The following RBBP5 variants were observed in gnomAD, a reference collection of about 807,000 sequenced individuals.
RBBP5 encodes RB binding protein 5, histone lysine methyltransferase complex subunit, also known as retinoblastoma-binding protein 5.
A neutral mutation model predicts 72.2 loss-of-function variants in RBBP5; 5 were observed. The observed-to-expected ratio is 0.07, with a 90% confidence interval of 0.04 to 0.15. RBBP5 has a LOEUF of 0.15. Ranked by LOEUF, RBBP5 falls within the 10% of genes least tolerant of loss-of-function variation. The probability of loss-of-function intolerance (pLI) is 1.00; values close to 1 mark genes in which losing one functional copy is unlikely to be tolerated. For synonymous variants in RBBP5, 209 were observed against 237.2 expected (o/e 0.88, Z 1.09); for missense variants, 322 against 652.2 (o/e 0.49, Z 5.51).
At chr1:205,114,591 A>G (rs1283309735) in intron 3 of RBBP5, among the ~76,000 whole-genome samples, 198 bp downstream of exon 3, 2 of 152,204 alleles carry the variant, frequency 1.3e-5, no homozygotes, top group Non-Finnish European at 2.9e-5. Flanking sequence ...ATACAGATCC[A>G]TAATACAATG....
intron 6 of RBBP5, 60 bp from the exon 7 acceptor site, chr1:205,100,331 A>G: frequency 6.4e-7 from 1 of 1,571,058 alleles, no homozygotes; most frequent in Non-Finnish European, 8.6e-7. Flanking sequence ...TAGTACTACA[A>G]AACGACTAAT....
At chr1:205,090,413 G>A (rs1183330378) in intron 13 of RBBP5, among the ~76,000 whole-genome samples, 1 of 152,194 alleles carries the variant, frequency 6.6e-6, no homozygotes, top group Non-Finnish European at 1.5e-5. Flanking sequence ...CTGGAGGGCA[G>A]CTCATGTTTC....
At chr1:205,106,060 C>T (rs1177027693) in intron 3 of RBBP5, among the ~76,000 whole-genome samples, 1 of 152,088 alleles carries the variant, frequency 6.6e-6, no homozygotes, top group African/African-American at 2.4e-5. Context: ...GTAATGAGGT[C>T]GCACCACCAT....
chr1:205,096,974 G>C (rs1045251000), intron 11 of RBBP5, 63 bp from the exon 12 acceptor site: 1 of 1,414,644 alleles, frequency 7.1e-7, no homozygotes, highest in Non-Finnish European at 9.6e-7. Context: ...TAAACCATGA[G>C]CCCTTCCTCT....
At chr1:205,093,879 T>G (rs1234063900) in intron 13 of RBBP5, among the ~76,000 whole-genome samples, 1 of 152,098 alleles carries the variant, frequency 6.6e-6, no homozygotes, top group Non-Finnish European at 1.5e-5. Flanking sequence ...AGATTAAAAT[T>G]TTAAAGTCGG....
chr1:205,105,213 C>T, intron 3 of RBBP5, 45 bp from the exon 4 acceptor site: 1 of 1,576,452 alleles, frequency 6.3e-7, no homozygotes, highest in East Asian at 2.3e-5. Flanking sequence ...CTAAGTATAT[C>T]ATACCACTCT....
chr1:205,117,350 G>A (rs955869926), intron 1 of RBBP5, among the ~76,000 whole-genome samples: 2 of 151,896 alleles, frequency 1.3e-5, no homozygotes, highest in South Asian at 2.1e-4. Context: ...CACCACGCCC[G>A]GCCTAGTCCT....
intron 10 of RBBP5, 124 bp downstream of exon 10, chr1:205,098,863 AAG>A: frequency 3.6e-6 from 2 of 552,886 alleles, no homozygotes; most frequent in Non-Finnish European, 3.0e-6. Context: ...AAAAAAAAAA[AAG>A]TGTGGGGTGG....
chr1:205,093,475 AAAAAATATATATATATATATATATAT>A (rs1274439616), intron 13 of RBBP5, among the ~76,000 whole-genome samples: 1 of 8,672 alleles, frequency 1.2e-4, no homozygotes, highest in African/African-American at 3.0e-4. Context: ...AAAAAAAAAA[AAAAAATATATATATATATATATATAT>A]ATATATATAT....
At chr1:205,108,199 C>T (rs1003618256) in intron 3 of RBBP5, among the ~76,000 whole-genome samples, 4 of 150,528 alleles carry the variant, frequency 2.7e-5, no homozygotes, top group Non-Finnish European at 5.9e-5. Context: ...GCAGATATCG[C>T]AGCATTGCAC....
rs187151466 is a variant in RBBP5, at chr1:205,121,970, G to A, written c.-97C>T. On this transcript the variant is annotated 5_prime_UTR_variant, in exon 1 of 14. Coordinates refer to ENST00000264515, the MANE Select transcript of RBBP5 (RefSeq NM_005057.4). ...GCGTCTAAGTGGTGGACGCCGCGAA[G>A]AGACTGGCGCAAGCTCCGAAGACTT... 7.7e-4 allele frequency: 1,202 copies of A among 1,568,202 alleles called. 6 individuals carry two copies. In the African/African-American group the frequency reaches 0.013, roughly 17 times the overall value.
intron 1 of RBBP5, 113 bp downstream of exon 1, chr1:205,121,742 T>A: frequency 1.3e-6 from 2 of 1,528,190 alleles, no homozygotes; most frequent in South Asian, 1.1e-5. Flanking sequence ...GTGTGCCCAG[T>A]GATCCATAGC....
Position 205,121,838 on chromosome 1 carries a change from G to A in RBBP5, c.19+17C>T, listed in dbSNP as rs761114857. The A allele has an allele frequency of 6.2e-7, 1 of 1,612,342 alleles. No homozygotes were observed. The highest frequency in any genetic ancestry group is 1.7e-5 in the Admixed American group (1 of 60,014). On this transcript the variant is annotated intron_variant, in intron 1 of 13. Transcript: ENST00000264515. ...GTACCCAACGCTTCTCTAAAACGCAGCCACAGCCCTTCTCACCCAGCAACT... is the reference window on the plus strand; with the variant it reads ...GTACCCAACGCTTCTCTAAAACGCAACCACAGCCCTTCTCACCCAGCAACT...
chr1:205,108,281 G>A (rs1656164509), intron 3 of RBBP5, among the ~76,000 whole-genome samples: 1 of 151,878 alleles, frequency 6.6e-6, no homozygotes, highest in African/African-American at 2.4e-5. Flanking sequence ...CTTGAGTTTT[G>A]ATGTTTGAAA....
intron 1 of RBBP5, 101 bp from the exon 2 acceptor site, chr1:205,115,984 G>C (rs764366383): frequency 6.2e-7 from 1 of 1,611,070 alleles, no homozygotes; most frequent in African/African-American, 1.3e-5. Flanking sequence ...AACGAAAAGG[G>C]GGATATGATG....
Position 205,088,071 on chromosome 1 carries a change from G to C in RBBP5, c.*716C>G, listed in dbSNP as rs1240098716. 3 of 152,160 alleles carry C rather than the reference G, an allele frequency of 2.0e-5. No homozygotes were observed. Among genetic ancestry groups the C allele is most frequent in the Admixed American group, 1.3e-4 (2 of 15,270 alleles). 9.4% of individuals were successfully genotyped at this position (152,160 alleles called of 1,614,324 possible). ...TCTTTGCTGGAGATGGATAAAACTA[G>C]CTATCTTCAAAAACCATGATTGATG... On this transcript the variant is annotated 3_prime_UTR_variant, in exon 14 of 14. Transcript: ENST00000264515.
At position 205,092,251 on chromosome 1, in the gene RBBP5, CCTT is replaced by C. The variant is rs1655376904; in HGVS notation, c.1588+2619_1588+2621del. On this transcript the variant is annotated intron_variant, in intron 13 of 13. Transcript: ENST00000264515. Reference sequence around the variant, plus strand: ...GCTGGTCAATAAAGCCAGATGTAATCCTTCTGTGGAAGTCTTGGAACTATACCT... The same window carrying C: ...GCTGGTCAATAAAGCCAGATGTAATCCTGTGGAAGTCTTGGAACTATACCT... Among the ~76,000 whole-genome samples, 7 of 152,306 alleles carry C rather than the reference CCTT, an allele frequency of 4.6e-5. No homozygotes were observed. In the South Asian group the frequency reaches 1.4e-3, roughly 32 times the overall value.
rs1655178654 is a variant in RBBP5 at position 205,087,482 on chromosome 1, C to T, written c.*1305G>A. ...AAGTGCTGGGATTACAGGCGTGACC[C>T]ACCACGCCCGGCTCACCAACTGATA... On this transcript the variant is annotated 3_prime_UTR_variant, in exon 14 of 14. Transcript: ENST00000264515. The T allele has an allele frequency of 6.6e-6, 1 of 151,240 alleles. No homozygotes were observed. Among genetic ancestry groups the T allele is most frequent in the Admixed American group, 6.6e-5 (1 of 15,134 alleles). The allele number at this position is 151,240 out of a possible 1,614,324, so 9.4% of individuals were successfully genotyped here.
intron 4 of RBBP5, 45 bp downstream of exon 4, chr1:205,104,983 T>C (rs1321532580): frequency 1.9e-6 from 3 of 1,591,258 alleles, no homozygotes; most frequent in Non-Finnish European, 2.6e-6. Context: ...AGCTAATCCA[T>C]ATAGAATTAG....
Sources: allele counts gnomAD v4.1 joint callset (sites outside exome capture counted in the v4.1 genomes callset), GRCh38; gene constraint gnomAD v4.1.1; transcripts MANE v1.5; gene names NCBI Gene and HGNC (gene_info 2026-07-23, HGNC 2026-07-21).